CREB3L2: variants seen among roughly 807,000 people sequenced by gnomAD.
CREB3L2 encodes the protein cAMP responsive element binding protein 3 like 2.
Under a neutral mutation model 57.2 loss-of-function variants are expected in CREB3L2, and 23 were observed. That is an observed-to-expected ratio of 0.40 (90% confidence interval 0.29 to 0.57). CREB3L2 has a LOEUF of 0.57. Among genes scored for constraint, CREB3L2 ranks in the 20% least tolerant of loss-of-function variants. The pLI is 0.42. For synonymous variants in CREB3L2, 268 were observed against 265.1 expected, an observed-to-expected ratio of 1.01 and a Z score of -0.11; for missense variants, 628 against 634.7, an observed-to-expected ratio of 0.99 and a Z score of 0.11.
chr7:137,947,377 C>T (rs1801016728), intron 1 of CREB3L2, among the ~76,000 whole-genome samples: 1 of 152,190 alleles, frequency 6.6e-6, no homozygotes, highest in Non-Finnish European at 1.5e-5. Context: ...CCTCGCTTCT[C>T]TGGGTCTACT....
At chr7:137,990,362 T>C (rs1801871420) in intron 1 of CREB3L2, among the ~76,000 whole-genome samples, 1 of 152,236 alleles carries the variant, frequency 6.6e-6, no homozygotes, top group South Asian at 2.1e-4. Context: ...TTCAGATTTG[T>C]CATTCCATCC....
At chr7:137,937,343 G>A (rs1425837245) in intron 1 of CREB3L2, among the ~76,000 whole-genome samples, 3 of 152,210 alleles carry the variant, frequency 2.0e-5, no homozygotes, top group African/African-American at 7.2e-5. Flanking sequence ...AACATAGTTT[G>A]ACTGTATTGC....
intron 1 of CREB3L2, among the ~76,000 whole-genome samples, chr7:137,958,214 G>A (rs1235227640): frequency 8.5e-5 from 13 of 152,136 alleles, no homozygotes; most frequent in Non-Finnish European, 1.6e-4. Flanking sequence ...AAGGCTATGC[G>A]TAACAAACTT....
At chr7:137,912,765 AC>A in intron 4 of CREB3L2, 1 of 1,331,816 alleles carries the variant, frequency 7.5e-7, no homozygotes, top group Non-Finnish European at 1.0e-6. Context: ...AAGTATGGTA[AC>A]ACTTAGCTGA....
At chr7:137,953,809 A>C (rs1801153484) in intron 1 of CREB3L2, among the ~76,000 whole-genome samples, 1 of 152,246 alleles carries the variant, frequency 6.6e-6, no homozygotes, top group Non-Finnish European at 1.5e-5. Flanking sequence ...GATAACCAAG[A>C]GAAAAAGGGG....
rs560132813 is a variant in CREB3L2 at position 137,946,439 on chromosome 7, A to C, written c.103-18073T>G. Reference sequence around the variant, plus strand: ...TGTACAAATGCAGAAAAAAAAAAAAAAACAACCCTGAATTCTGTCTACAAC... The same window carrying C: ...TGTACAAATGCAGAAAAAAAAAAAACAACAACCCTGAATTCTGTCTACAAC... On this transcript the variant is annotated intron_variant, in intron 1 of 11. Transcript: ENST00000330387. 2.8e-4 allele frequency among the ~76,000 whole-genome samples: 43 copies of C among 151,682 alleles called. 1 individual carries two copies. In the South Asian group the frequency reaches 6.4e-3, roughly 23 times the overall value.
At chr7:137,971,268 G>A (rs1415264788) in intron 1 of CREB3L2, among the ~76,000 whole-genome samples, 2 of 152,116 alleles carry the variant, frequency 1.3e-5, no homozygotes, top group Admixed American at 6.5e-5. Flanking sequence ...GGCTAACACG[G>A]TGAAACCCCA....
At chr7:137,911,659 G>A (rs1483497669) in intron 4 of CREB3L2, among the ~76,000 whole-genome samples, 1 of 152,156 alleles carries the variant, frequency 6.6e-6, no homozygotes, top group African/African-American at 2.4e-5. Flanking sequence ...GCAACATGGT[G>A]AAACCCTATC....
chr7:137,979,459 G>C (rs1801673480), intron 1 of CREB3L2, among the ~76,000 whole-genome samples: 1 of 152,148 alleles, frequency 6.6e-6, no homozygotes, highest in African/African-American at 2.4e-5. Context: ...GGGCGCGGTG[G>C]CTCACACCTT....
chr7:138,001,025 T>C lies in CREB3L2; in HGVS notation c.102+579A>G, dbSNP rs1214443163. 6.6e-6 allele frequency among the ~76,000 whole-genome samples: 1 copy of C among 150,688 alleles called. No homozygotes were observed. The highest frequency in any genetic ancestry group is 3.2e-3 in the Middle Eastern group (1 of 316). On this transcript the variant is annotated intron_variant, in intron 1 of 11. Coordinates refer to ENST00000330387, the MANE Select transcript of CREB3L2 (RefSeq NM_194071.4). This position sits in a 1 kb window ranked among gnomAD's most constrained non-coding sequence, Gnocchi z 4.2. ...AGGGAGGAAGGAGACTTCTTGGTCGTACAGTTTAAGAAAGCAAATAAAGCC... is the reference window on the plus strand; with the variant it reads ...AGGGAGGAAGGAGACTTCTTGGTCGCACAGTTTAAGAAAGCAAATAAAGCC...
At chr7:137,892,055 T>G in intron 8 of CREB3L2, among the ~76,000 whole-genome samples, 1 of 152,200 alleles carries the variant, frequency 6.6e-6, no homozygotes, top group South Asian at 2.1e-4. Flanking sequence ...TGGAAGCACC[T>G]AGAGCAGTCA....
At chr7:137,997,233 T>C (rs1304563954) in intron 1 of CREB3L2, among the ~76,000 whole-genome samples, 1 of 152,196 alleles carries the variant, frequency 6.6e-6, no homozygotes, top group Non-Finnish European at 1.5e-5. Flanking sequence ...TTCCATTTTC[T>C]AGACATAGTG....
In CREB3L2 at chr7:137,922,412, A is replaced by ATACG. The variant is rs1554498024; in HGVS notation, c.319+5737_319+5738insCGTA. Among the ~76,000 whole-genome samples, 40 of 29,468 alleles carry ATACG rather than the reference A, an allele frequency of 1.4e-3. 1 individual carries two copies. The highest frequency in any genetic ancestry group is 3.9e-3 in the African/African-American group (36 of 9,262). 19.3% of individuals were successfully genotyped at this position (29,468 alleles called of 152,430 possible). A position where few individuals can be genotyped will look rare whatever the true frequency, so the allele number is the denominator to read the frequency against. On this transcript the variant is annotated intron_variant, in intron 2 of 11. Transcript: ENST00000330387. ...TATATATATATATATATATATATATATATGTATATATATATATATATATAC... is the reference window on the plus strand; with the variant it reads ...TATATATATATATATATATATATATATACGTATGTATATATATATATATATATAC...
At chr7:137,931,038 C>G (rs1466632091) in intron 1 of CREB3L2, among the ~76,000 whole-genome samples, 2 of 151,428 alleles carry the variant, frequency 1.3e-5, no homozygotes, top group African/African-American at 4.9e-5. Flanking sequence ...TCTAAACCAG[C>G]CTGGGCAACA....
Position 137,879,290 on chromosome 7 carries a change from C to G in CREB3L2, c.*1186G>C. On this transcript the variant is annotated 3_prime_UTR_variant, in exon 12 of 12. Coordinates refer to ENST00000330387, the MANE Select transcript of CREB3L2 (RefSeq NM_194071.4). ...ATGTGGATACACAAATGTCACCTAC[C>G]CCACCCTGCTTTGTTGAGGTAGGGG... 1 of 529,736 alleles carries G rather than the reference C, an allele frequency of 1.9e-6. No homozygotes were observed. The highest frequency in any genetic ancestry group is 3.6e-6 in the Non-Finnish European group (1 of 274,458). 32.8% of individuals were successfully genotyped at this position (529,736 alleles called of 1,614,324 possible).
chr7:137,876,615 C>T lies in CREB3L2; in HGVS notation c.*3861G>A, dbSNP rs928439895. ...CCACCTACTCTCTCCTGTAACTGCCCTCCCAGCGGGGCCTATCCTAGCATG... is the reference window on the plus strand; with the variant it reads ...CCACCTACTCTCTCCTGTAACTGCCTTCCCAGCGGGGCCTATCCTAGCATG... On this transcript the variant is annotated 3_prime_UTR_variant, in exon 12 of 12. Coordinates refer to ENST00000330387, the MANE Select transcript of CREB3L2 (RefSeq NM_194071.4). 50 of 232,968 alleles carry T rather than the reference C, an allele frequency of 2.1e-4. No individual in the cohort carries two copies. Among genetic ancestry groups the T allele is most frequent in the Non-Finnish European group, 3.1e-4 (37 of 117,992 alleles). The allele number at this position is 232,968 out of a possible 1,614,324, so 14.4% of individuals were successfully genotyped here.
intron 1 of CREB3L2, among the ~76,000 whole-genome samples, chr7:137,929,728 G>T (rs1800569836): frequency 6.7e-6 from 1 of 149,810 alleles, no homozygotes; most frequent in Admixed American, 6.6e-5. Flanking sequence ...AATTAGCTGG[G>T]TGTGGTGGCA....
At chr7:137,997,277 T>G (rs1168012814) in intron 1 of CREB3L2, among the ~76,000 whole-genome samples, 1 of 152,208 alleles carries the variant, frequency 6.6e-6, no homozygotes, top group Non-Finnish European at 1.5e-5. Flanking sequence ...CCAACAGGTA[T>G]AGTGTGTAGA....
At chr7:137,908,557 G>T in intron 4 of CREB3L2, 121 bp from the exon 5 acceptor site, 1 of 609,990 alleles carries the variant, frequency 1.6e-6, no homozygotes, top group Non-Finnish European at 2.4e-6. Flanking sequence ...AGATCTCCAA[G>T]GTGCAGAGCG....
Sources: allele counts gnomAD v4.1 joint callset (sites outside exome capture counted in the v4.1 genomes callset), GRCh38; gene constraint gnomAD v4.1.1; non-coding constraint Gnocchi (gnomAD v3.1); transcripts MANE v1.5; gene names NCBI Gene and HGNC (gene_info 2026-07-23, HGNC 2026-07-21).